RIN3: variants seen among roughly 807,000 people sequenced by gnomAD.
The protein encoded by RIN3 is Ras and Rab interactor 3.
In RIN3, 54 loss-of-function variants were observed where a neutral mutation model predicts 76.3. The observed-to-expected ratio is 0.71, with a 90% CI of 0.57 to 0.89. The LOEUF (loss-of-function observed/expected upper bound fraction) is 0.89. RIN3 is among the 40% of genes least tolerant of loss of function. The pLI is 0.00. For synonymous variants in RIN3, 576 were observed against 564.0 expected, an observed-to-expected ratio of 1.02 and a Z score of -0.30; for missense variants, 1,256 against 1,322.1, an observed-to-expected ratio of 0.95 and a Z score of 0.78.
intron 4 of RIN3, among the ~76,000 whole-genome samples, chr14:92,618,973 A>T (rs1222711711): frequency 6.6e-6 from 1 of 152,228 alleles, no homozygotes; most frequent in Non-Finnish European, 1.5e-5. Flanking sequence ...CAAATTAGGT[A>T]CATAGCACTG....
intron 1 of RIN3, among the ~76,000 whole-genome samples, chr14:92,548,277 G>A (rs961022560): frequency 9.9e-5 from 15 of 152,040 alleles, no homozygotes; most frequent in Admixed American, 9.2e-4. Flanking sequence ...GGTTAGAAGC[G>A]TAGACTCTGG....
At chr14:92,639,497 C>T (rs1886905858) in intron 4 of RIN3, among the ~76,000 whole-genome samples, 2 of 152,240 alleles carry the variant, frequency 1.3e-5, no homozygotes, top group African/African-American at 4.8e-5. Flanking sequence ...GAGGAAGGAG[C>T]GGGAGACATG....
rs977322593 is a variant in RIN3 at position 92,681,822 on chromosome 14, G to C, written c.2468-3165G>C. Among the ~76,000 whole-genome samples the C allele has an allele frequency of 6.6e-6, 1 of 152,000 alleles. No homozygotes were observed. The highest frequency in any genetic ancestry group is 2.4e-5 in the African/African-American group (1 of 41,368). On this transcript the variant is annotated intron_variant, in intron 8 of 9. Transcript: ENST00000216487. The surrounding 1 kb of genome is among the most constrained non-coding windows in gnomAD (Gnocchi z 4.7). ...GGTTTAGTGGTTCTTCTCTTATTAGGGACACCAAGGCAACCTCTGTGGTAG... is the reference window on the plus strand; with the variant it reads ...GGTTTAGTGGTTCTTCTCTTATTAGCGACACCAAGGCAACCTCTGTGGTAG...
intron 8 of RIN3, among the ~76,000 whole-genome samples, chr14:92,676,958 TA>T (rs762499327): frequency 2.0e-4 from 30 of 147,226 alleles, no homozygotes; most frequent in South Asian, 1.1e-3. Context: ...GCCAGCTGAT[TA>T]AAAAAAAAAG....
chr14:92,653,810 GAGTTCAAGACC>G (rs1192557857), intron 6 of RIN3, among the ~76,000 whole-genome samples: 1 of 152,176 alleles, frequency 6.6e-6, no homozygotes, highest in Non-Finnish European at 1.5e-5. Flanking sequence ...TTGAGCCCAG[GAGTTCAAGACC>G]AGCCTGGGCA....
At chr14:92,574,559 T>G (rs1898160151) in intron 2 of RIN3, among the ~76,000 whole-genome samples, 1 of 152,210 alleles carries the variant, frequency 6.6e-6, no homozygotes. Context: ...CTGTTCTTTG[T>G]TAAAAAAGAA....
chr14:92,582,525 T>C (rs1291462756), intron 3 of RIN3, among the ~76,000 whole-genome samples: 1 of 147,634 alleles, frequency 6.8e-6, no homozygotes, highest in Non-Finnish European at 1.5e-5. Flanking sequence ...TGATCTTGGC[T>C]TACTGCAACC....
At chr14:92,653,832 A>C (rs1887563621) in intron 6 of RIN3, among the ~76,000 whole-genome samples, 1 of 152,240 alleles carries the variant, frequency 6.6e-6, no homozygotes, top group South Asian at 2.1e-4. Flanking sequence ...AGCCTGGGCA[A>C]CATGGCAAAA....
At chr14:92,621,017 G>A (rs900707322) in intron 4 of RIN3, among the ~76,000 whole-genome samples, 6 of 152,014 alleles carry the variant, frequency 3.9e-5, no homozygotes, top group East Asian at 1.9e-4. Context: ...GGCCGGGCAC[G>A]GTTGCTCATG....
At chr14:92,524,858 C>G (rs1375302906) in intron 1 of RIN3, among the ~76,000 whole-genome samples, 7 of 152,236 alleles carry the variant, frequency 4.6e-5, no homozygotes, top group Non-Finnish European at 1.0e-4. Flanking sequence ...CTCCATGGCA[C>G]GAGGCCCCAG....
chr14:92,652,943 G>A lies in RIN3; in HGVS notation c.1894G>A (p.Ala632Thr), dbSNP rs1887525269. Residue 632 changes from alanine (A) to threonine (T), a missense_variant, in exon 6 of 10, where the codon GCG becomes ACG. Coordinates refer to ENST00000216487, the MANE Select transcript of RIN3 (RefSeq NM_024832.5). The surrounding 1 kb of genome is among the most constrained non-coding windows in gnomAD (Gnocchi z 6.4). Reference sequence around the variant, plus strand: ...CAAGGTGTACAGCCTGGAGATGATGGCGCGCCAGACCTCCAGCACGGAGAT... The same window carrying A: ...CAAGGTGTACAGCCTGGAGATGATGACGCGCCAGACCTCCAGCACGGAGAT... ...DYKVYSLEMM[A>T]RQTSSTEMLQ... 1 of 1,613,766 alleles carries A rather than the reference G, an allele frequency of 6.2e-7. No homozygotes were observed. The highest frequency in any genetic ancestry group is 1.3e-5 in the African/African-American group (1 of 74,924).
intron 8 of RIN3, among the ~76,000 whole-genome samples, chr14:92,680,299 A>C (rs952538038): frequency 2.6e-5 from 4 of 151,282 alleles, no homozygotes; most frequent in Admixed American, 1.3e-4. Context: ...TCCCAGGTTC[A>C]AGCAATTCAC....
chr14:92,646,049 CTG>C (rs1366786789), intron 5 of RIN3, among the ~76,000 whole-genome samples: 1 of 152,000 alleles, frequency 6.6e-6, no homozygotes, highest in East Asian at 1.9e-4. Context: ...TGAGTGAACT[CTG>C]TGGTATGGGA....
At chr14:92,651,544 G>C in intron 5 of RIN3, 38 bp from the exon 6 acceptor site, 1 of 1,521,918 alleles carries the variant, frequency 6.6e-7, no homozygotes, top group Non-Finnish European at 8.9e-7. Flanking sequence ...CTAGTCCCTG[G>C]CACAGACTGA....
At chr14:92,600,971 G>A (rs1236983076) in intron 3 of RIN3, among the ~76,000 whole-genome samples, 1 of 152,184 alleles carries the variant, frequency 6.6e-6, no homozygotes, top group Admixed American at 6.5e-5. Flanking sequence ...CTAGGGCTGT[G>A]CCACCCAGTA....
At chr14:92,664,110 G>A (rs576303258) in intron 7 of RIN3, among the ~76,000 whole-genome samples, 24 of 152,270 alleles carry the variant, frequency 1.6e-4, no homozygotes, top group South Asian at 1.4e-3. Context: ...AGGCACCCCA[G>A]GGGCCACCAA....
At position 92,660,542 on chromosome 14, in the gene RIN3, G is replaced by C. The variant is rs572781750; in HGVS notation, c.2335+1073G>C. Among the ~76,000 whole-genome samples the C allele has an allele frequency of 2.6e-5, 4 of 152,370 alleles. No homozygotes were observed. The South Asian group carries it at 8.3e-4, about 32-fold the overall frequency. On this transcript the variant is annotated intron_variant, in intron 7 of 9. Transcript: ENST00000216487. Reference sequence around the variant, plus strand: ...GCCACGAGTTTCTCATCCTCCAGCAGGTTAGCACAGGCATGTGTCCATGGC... The same window carrying C: ...GCCACGAGTTTCTCATCCTCCAGCACGTTAGCACAGGCATGTGTCCATGGC...
At chr14:92,541,626 C>T (rs1178313329) in intron 1 of RIN3, among the ~76,000 whole-genome samples, 1 of 152,086 alleles carries the variant, frequency 6.6e-6, no homozygotes, top group Non-Finnish European at 1.5e-5. Flanking sequence ...AAAGTCAGAC[C>T]CCTACCTCAT....
chr14:92,582,356 C>T lies in RIN3; in HGVS notation c.367+4879C>T, dbSNP rs115907558. ...AAATCTTTCTTGTAACCTAACACTT[C>T]CATCATCGTTCATGTGCATTCACTA... On this transcript the variant is annotated intron_variant, in intron 3 of 9. Coordinates refer to ENST00000216487, the MANE Select transcript of RIN3 (RefSeq NM_024832.5). 3.5e-3 allele frequency among the ~76,000 whole-genome samples: 537 copies of T among 152,182 alleles called. 2 individuals are homozygous for T. The highest frequency in any genetic ancestry group is 0.012 in the African/African-American group (517 of 41,540).
Sources: allele counts gnomAD v4.1 joint callset (sites outside exome capture counted in the v4.1 genomes callset), GRCh38; gene constraint gnomAD v4.1.1; non-coding constraint Gnocchi (gnomAD v3.1); transcripts MANE v1.5; gene names NCBI Gene and HGNC (gene_info 2026-07-23, HGNC 2026-07-21).